PAK5: variants seen among roughly 807,000 people sequenced by gnomAD.
PAK5 encodes serine/threonine-protein kinase PAK 5.
PAK5 carries 16 observed loss-of-function variants against 65.9 expected under a neutral mutation model. The ratio of observed to expected loss-of-function variants is 0.24; its 90% CI spans 0.16 to 0.37. PAK5 has a LOEUF of 0.37. Among genes scored for constraint, PAK5 ranks in the 10% least tolerant of loss-of-function variants. PAK5 has a pLI of 1.00. For missense variants in PAK5, 785 were observed against 903.9 expected, an observed-to-expected ratio of 0.87 and a Z score of 1.69; for synonymous variants, 371 against 354.9, an observed-to-expected ratio of 1.05 and a Z score of -0.51.
rs1244914963 is a variant in PAK5 at position 9,566,282 on chromosome 20, C to T, written c.1093G>A (p.Gly365Ser). 3.7e-6 allele frequency: 6 copies of T among 1,613,460 alleles called. No individual in the cohort carries two copies. The highest frequency in any genetic ancestry group is 5.1e-6 in the Non-Finnish European group (6 of 1,179,986). ...TACTGGTGACTGCTTGAGGAATAGC[C>T]CGATTTGCTTTGACTTTGAGGTAGT... ...AKLPQSQSKS[G>S]YSSSSHQYPS... Residue 365 changes from glycine to serine, a missense_variant, in exon 5 of 10, where the codon GGC (glycine) becomes AGC (serine). This residue lies in a region of PAK5 where 422 missense variants were observed against 413.3 expected (regional missense o/e 1.02). Coordinates refer to ENST00000353224, the MANE Select transcript of PAK5 (RefSeq NM_177990.4).
intron 1 of PAK5, among the ~76,000 whole-genome samples, chr20:9,775,302 A>G (rs999467116): frequency 1.3e-5 from 2 of 152,194 alleles, no homozygotes; most frequent in African/African-American, 4.8e-5. Flanking sequence ...AGACTCACTC[A>G]TAATGATACC....
rs185030976 is a variant in PAK5 at position 9,588,567 on chromosome 20, C to T, written c.205-7637G>A. 6.6e-5 allele frequency among the ~76,000 whole-genome samples: 10 copies of T among 152,288 alleles called. No individual in the cohort carries two copies. In the East Asian group the frequency reaches 1.9e-3, roughly 29 times the overall value. On this transcript the variant is annotated intron_variant, in intron 3 of 9. Coordinates refer to ENST00000353224, the MANE Select transcript of PAK5 (RefSeq NM_177990.4). The stretch of plus-strand genomic sequence containing the variant: ...ATTTGTTTTGCTGATACAGGTTTCA[C>T]TTTATAGAATCATAAGTGGCAAAGC...
At chr20:9,613,016 T>C (rs1315689964) in intron 3 of PAK5, among the ~76,000 whole-genome samples, 17 of 152,154 alleles carry the variant, frequency 1.1e-4, no homozygotes, top group Admixed American at 1.1e-3. Flanking sequence ...AGAGCTAATA[T>C]TTTAGGTTTT....
chr20:9,680,412 A>G (rs2047633867), intron 2 of PAK5, among the ~76,000 whole-genome samples: 1 of 152,206 alleles, frequency 6.6e-6, no homozygotes, highest in African/African-American at 2.4e-5. Flanking sequence ...GGACCAAAAA[A>G]GCAGCCAGTG....
chr20:9,615,593 G>A (rs143777981), intron 3 of PAK5, among the ~76,000 whole-genome samples: 17 of 152,322 alleles, frequency 1.1e-4, no homozygotes, highest in East Asian at 1.9e-4. Flanking sequence ...TAAGTCCTTC[G>A]TTGAAGAAGT....
intron 3 of PAK5, among the ~76,000 whole-genome samples, chr20:9,632,144 G>A (rs1368248841): frequency 2.0e-5 from 3 of 152,108 alleles, no homozygotes; most frequent in Non-Finnish European, 4.4e-5. Flanking sequence ...GAGAAGAGCT[G>A]GGGAAAAGAA....
chr20:9,788,275 A>G (rs557088870), intron 1 of PAK5, among the ~76,000 whole-genome samples: 12 of 152,016 alleles, frequency 7.9e-5, no homozygotes, highest in Non-Finnish European at 1.5e-4. Flanking sequence ...AGAACCTATC[A>G]TTGATGAGTG....
chr20:9,626,310 T>C (rs73600250), intron 3 of PAK5, among the ~76,000 whole-genome samples: 2 of 152,186 alleles, frequency 1.3e-5, no homozygotes, highest in East Asian at 3.8e-4. Flanking sequence ...AAAAGGAAAC[T>C]AAGTTCATAG....
intron 1 of PAK5, among the ~76,000 whole-genome samples, chr20:9,719,372 C>T (rs2048187992): frequency 6.6e-6 from 1 of 152,102 alleles, no homozygotes; most frequent in African/African-American, 2.4e-5. Context: ...TTTTTCTTTT[C>T]AGGTAATAAT....
chr20:9,775,866 G>A lies in PAK5; in HGVS notation c.-162+62896C>T, dbSNP rs117505987. Among the ~76,000 whole-genome samples, 505 of 152,258 alleles carry A rather than the reference G, an allele frequency of 3.3e-3. 2 individuals are homozygous for A. Among genetic ancestry groups the A allele is most frequent in the Middle Eastern group, 0.024 (7 of 294 alleles). On this transcript the variant is annotated intron_variant, in intron 1 of 9. Transcript: ENST00000353224. ...GGACATATTAGAATTCTCTTGGGAA[G>A]ATCTAATAGAAATTATGCACTAATG...
rs2045951432 is a variant in PAK5, at chr20:9,580,156, A to C, written c.979T>G (p.Cys327Gly). The C allele has an allele frequency of 2.5e-6, 4 of 1,601,494 alleles. No individual in the cohort carries two copies. Among genetic ancestry groups the C allele is most frequent in the Non-Finnish European group, 2.6e-6 (3 of 1,171,522 alleles). ...GTAGCAAACGTTACCTTTGGAATGCACATTGTGGGCTCGGACAAGCGAGGG... is the reference window on the plus strand; with the variant it reads ...GTAGCAAACGTTACCTTTGGAATGCCCATTGTGGGCTCGGACAAGCGAGGG... ...TYPRLSEPTM[C>G]IPKVDYDRAQ... Residue 327 changes from cysteine (C) to glycine (G), a missense_variant, in exon 4 of 10, where the codon TGC (cysteine) becomes GGC (glycine). Physicochemically the swap from Cys to Gly is radical, Grantham distance 159. Transcript: ENST00000353224.
intron 2 of PAK5, among the ~76,000 whole-genome samples, chr20:9,679,792 C>A (rs998029690): frequency 2.0e-5 from 3 of 152,192 alleles, no homozygotes; most frequent in African/African-American, 7.2e-5. Flanking sequence ...CCCAACAGAA[C>A]AAAGCATGTC....
chr20:9,817,955 G>A (rs2049377334), intron 1 of PAK5, among the ~76,000 whole-genome samples: 1 of 152,156 alleles, frequency 6.6e-6, no homozygotes, highest in Non-Finnish European at 1.5e-5. Context: ...AGCTATCTTT[G>A]CCACATAAAA....
intron 3 of PAK5, among the ~76,000 whole-genome samples, chr20:9,615,719 A>G (rs1422425607): frequency 1.3e-5 from 2 of 152,224 alleles, no homozygotes; most frequent in Non-Finnish European, 2.9e-5. Flanking sequence ...GGAATTTTGG[A>G]AGGGCATCTG....
chr20:9,556,365 T>C (rs1012858775), intron 7 of PAK5, among the ~76,000 whole-genome samples: 2 of 152,224 alleles, frequency 1.3e-5, no homozygotes, highest in African/African-American at 4.8e-5. Flanking sequence ...CAATAATATT[T>C]ACAATCTTTT....
At chr20:9,781,926 G>T (rs377667698) in intron 1 of PAK5, among the ~76,000 whole-genome samples, 2 of 152,096 alleles carry the variant, frequency 1.3e-5, no homozygotes, top group Admixed American at 1.3e-4. Flanking sequence ...TGTGCTCAGC[G>T]CAGCAGTCCG....
intron 1 of PAK5, among the ~76,000 whole-genome samples, chr20:9,744,930 G>T (rs2048489291): frequency 6.6e-6 from 1 of 152,130 alleles, no homozygotes; most frequent in Non-Finnish European, 1.5e-5. Flanking sequence ...CTTGGGAAAT[G>T]AGTGGTTTAG....
At chr20:9,780,922 C>T (rs2048934462) in intron 1 of PAK5, among the ~76,000 whole-genome samples, 1 of 152,092 alleles carries the variant, frequency 6.6e-6, no homozygotes, top group Non-Finnish European at 1.5e-5. Context: ...CTTTACTTAT[C>T]TAGGTATTAT....
intron 1 of PAK5, among the ~76,000 whole-genome samples, chr20:9,810,371 G>C (rs1006719999): frequency 6.6e-6 from 1 of 152,274 alleles, no homozygotes; most frequent in Middle Eastern, 3.4e-3. Flanking sequence ...CCAGGAGTTT[G>C]AGAACAGCCT....
Sources: gnomAD v4.1 joint callset for allele counts (sites outside exome capture counted in the v4.1 genomes callset) on GRCh38, gnomAD v4.1.1 for gene constraint, gnomAD v4.1.1 regional missense constraint, MANE v1.5 for transcripts, NCBI Gene and HGNC (gene_info 2026-07-23, HGNC 2026-07-21) for gene names.